ANKH: variants seen among roughly 807,000 people sequenced by gnomAD.
The protein encoded by ANKH is mineralization regulator ANKH.
In ANKH, 15 loss-of-function variants were observed where a neutral mutation model predicts 49.0. The observed-to-expected ratio is 0.31, with a 90% CI of 0.20 to 0.47. The LOEUF (loss-of-function observed/expected upper bound fraction) is 0.47, where lower values mean the gene tolerates loss of function less well. ANKH is among the 20% of genes least tolerant of loss of function. The probability of loss-of-function intolerance (pLI) is 1.00; values close to 1 mark genes in which losing one functional copy is unlikely to be tolerated. For synonymous variants in ANKH, 273 were observed against 260.0 expected, an observed-to-expected ratio of 1.05 and a Z score of -0.48; for missense variants, 429 against 652.0, an observed-to-expected ratio of 0.66 and a Z score of 3.72.
At chr5:14,837,344 G>A (rs1741684542) in intron 1 of ANKH, among the ~76,000 whole-genome samples, 1 of 152,120 alleles carries the variant, frequency 6.6e-6, no homozygotes, top group African/African-American at 2.4e-5. Context: ...GCAACCTATA[G>A]AATGGGAGAA....
chr5:14,794,350 G>T (rs959852815), intron 1 of ANKH, among the ~76,000 whole-genome samples: 2 of 152,242 alleles, frequency 1.3e-5, no homozygotes, highest in East Asian at 3.9e-4. Flanking sequence ...GGGGACCACA[G>T]AAAGGAGGCA....
intron 1 of ANKH, among the ~76,000 whole-genome samples, chr5:14,779,452 C>T (rs1318556866): frequency 6.6e-6 from 1 of 152,188 alleles, no homozygotes; most frequent in East Asian, 1.9e-4. Context: ...TGTTATCGCC[C>T]TCGTCAAGGT....
At chr5:14,858,035 T>C (rs1279519070) in intron 1 of ANKH, among the ~76,000 whole-genome samples, 1 of 152,254 alleles carries the variant, frequency 6.6e-6, no homozygotes, top group Non-Finnish European at 1.5e-5. Context: ...AGGAATAAAA[T>C]AGTTTGAACA....
rs564201800 is a variant in ANKH, at chr5:14,710,087, G to C, written c.*1110C>G. ...TCAGGGAGGACCACATAGTGACTCT[G>C]GTATCGTTATAAAATGTCTTGCTTT... On this transcript the variant is annotated 3_prime_UTR_variant, in exon 12 of 12. Coordinates refer to ENST00000284268, the MANE Select transcript of ANKH (RefSeq NM_054027.6). 5.3e-5 allele frequency: 8 copies of C among 152,130 alleles called. No individual in the cohort carries two copies. Among genetic ancestry groups the C allele is most frequent in the Non-Finnish European group, 2.9e-5 (2 of 68,032 alleles). The allele number at this position is 152,130 out of a possible 1,614,324, so 9.4% of individuals were successfully genotyped here.
In ANKH at chr5:14,713,146, C is replaced by G. The variant is rs576005724; in HGVS notation, c.1266-173G>C. ...TAATAACCTAATGTGTGAGGGGAAC[C>G]AGGAACTCGGGGCTGGGCCACCTCC... On this transcript the variant is annotated intron_variant, in intron 10 of 11. Coordinates refer to ENST00000284268, the MANE Select transcript of ANKH (RefSeq NM_054027.6). This position sits in a 1 kb window ranked among gnomAD's most constrained non-coding sequence, Gnocchi z 4.4. Among the ~76,000 whole-genome samples the G allele has an allele frequency of 3.9e-5, 6 of 152,274 alleles. No individual in the cohort carries two copies. Among genetic ancestry groups the G allele is most frequent in the East Asian group, 3.9e-4 (2 of 5,172 alleles).
At chr5:14,798,376 C>T in intron 1 of ANKH, 1 of 1,576,802 alleles carries the variant, frequency 6.3e-7, no homozygotes, top group Non-Finnish European at 8.7e-7. Flanking sequence ...ACTGTGTTGT[C>T]AAAGGCTGCT....
chr5:14,809,340 A>T lies in ANKH; in HGVS notation c.97-40149T>A, dbSNP rs1474636024. On this transcript the variant is annotated intron_variant, in intron 1 of 11. Transcript: ENST00000284268. ...CCCTAAAACTTAGAGTATAATAAAA[A>T]AAAAAAAAAAAAAAAAAGAAAAAAA... Among the ~76,000 whole-genome samples, 31 of 73,778 alleles carry T rather than the reference A, an allele frequency of 4.2e-4. No homozygotes were observed. In the South Asian group the frequency reaches 0.012, roughly 29 times the overall value. The allele number at this position is 73,778 out of a possible 152,430, so 48.4% of individuals were successfully genotyped here. A position where few individuals can be genotyped will look rare whatever the true frequency, so the allele number is the denominator to read the frequency against.
chr5:14,715,799 A>C (rs142212022), intron 9 of ANKH, among the ~76,000 whole-genome samples: 1 of 152,332 alleles, frequency 6.6e-6, no homozygotes, highest in African/African-American at 2.4e-5. Context: ...AATCTAGAAC[A>C]ACCTCATTCT....
intron 1 of ANKH, among the ~76,000 whole-genome samples, chr5:14,846,773 C>G (rs1404348801): frequency 6.6e-6 from 1 of 152,094 alleles, no homozygotes; most frequent in Non-Finnish European, 1.5e-5. Context: ...GGATGGATTA[C>G]TTGGGATCAG....
At chr5:14,827,655 T>G (rs923009202) in intron 1 of ANKH, among the ~76,000 whole-genome samples, 1 of 152,196 alleles carries the variant, frequency 6.6e-6, no homozygotes, top group Non-Finnish European at 1.5e-5. Flanking sequence ...TTTGGCTTCC[T>G]AGTGCTTCCA....
chr5:14,778,602 C>G (rs1430341624), intron 1 of ANKH, among the ~76,000 whole-genome samples: 1 of 152,126 alleles, frequency 6.6e-6, no homozygotes, highest in East Asian at 1.9e-4. Flanking sequence ...TCTATTTCTC[C>G]CACTCCCTCG....
At chr5:14,793,697 G>C (rs1319416432) in intron 1 of ANKH, among the ~76,000 whole-genome samples, 1 of 152,218 alleles carries the variant, frequency 6.6e-6, no homozygotes. Flanking sequence ...GAGAAACCCA[G>C]TCCCAAGTGA....
At chr5:14,743,003 GC>G (rs1481260285) in intron 7 of ANKH, among the ~76,000 whole-genome samples, 2 of 152,204 alleles carry the variant, frequency 1.3e-5, no homozygotes, top group African/African-American at 2.4e-5. Context: ...TCCGCATCCA[GC>G]CGCGTGAAAC....
chr5:14,712,513 G>C (rs1450779401), intron 11 of ANKH, among the ~76,000 whole-genome samples: 1 of 152,254 alleles, frequency 6.6e-6, no homozygotes, highest in Non-Finnish European at 1.5e-5. Context: ...AGCCACATTG[G>C]TATCACTGTC....
At chr5:14,779,453 T>A (rs1739738864) in intron 1 of ANKH, among the ~76,000 whole-genome samples, 1 of 152,176 alleles carries the variant, frequency 6.6e-6, no homozygotes, top group African/African-American at 2.4e-5. Context: ...GTTATCGCCC[T>A]CGTCAAGGTG....
chr5:14,806,288 G>A (rs927145126), intron 1 of ANKH, among the ~76,000 whole-genome samples: 5 of 149,590 alleles, frequency 3.3e-5, no homozygotes, highest in South Asian at 2.1e-4. Flanking sequence ...AAAAAAACTC[G>A]AAACATCTCA....
chr5:14,769,548 T>C (rs887706020), intron 1 of ANKH, among the ~76,000 whole-genome samples: 1 of 152,150 alleles, frequency 6.6e-6, no homozygotes, highest in East Asian at 1.9e-4. Context: ...ATTGACATAA[T>C]GGCAAGAGAC....
At chr5:14,832,647 C>T (rs906913148) in intron 1 of ANKH, among the ~76,000 whole-genome samples, 4 of 152,250 alleles carry the variant, frequency 2.6e-5, no homozygotes, top group East Asian at 1.9e-4. Context: ...TTTCCAAGAA[C>T]GGATAAATTA....
Position 14,736,006 on chromosome 5 carries a change from CTTTTTTTTTTTTTTTT to C in ANKH, c.1011+5805_1011+5820del, listed in dbSNP as rs540010631. Among the ~76,000 whole-genome samples, 318 of 83,694 alleles carry C rather than the reference CTTTTTTTTTTTTTTTT, an allele frequency of 3.8e-3. 3 individuals carry two copies. The highest frequency in any genetic ancestry group is 0.014 in the African/African-American group (243 of 17,226). The allele number at this position is 83,694 out of a possible 152,430, so 54.9% of individuals were successfully genotyped here. A position where few individuals can be genotyped will look rare whatever the true frequency, so the allele number is the denominator to read the frequency against. Reference sequence around the variant, plus strand: ...AGAAAGATCCAGAGTAAAAACCTAACTTTTTTTTTTTTTTTTTTTTTTTTTTTTTTTTAAAGAATCA... The same window carrying C: ...AGAAAGATCCAGAGTAAAAACCTAACTTTTTTTTTTTTTTTTAAAGAATCA... On this transcript the variant is annotated intron_variant, in intron 8 of 11. Coordinates refer to ENST00000284268, the MANE Select transcript of ANKH (RefSeq NM_054027.6).
Sources: allele counts gnomAD v4.1 joint callset (sites outside exome capture counted in the v4.1 genomes callset), GRCh38; gene constraint gnomAD v4.1.1; non-coding constraint Gnocchi (gnomAD v3.1); transcripts MANE v1.5; gene names NCBI Gene and HGNC (gene_info 2026-07-23, HGNC 2026-07-21).